Variants in PTPRD observed in about 807,000 individuals in gnomAD.
The protein encoded by PTPRD is receptor-type tyrosine-protein phosphatase delta.
Under a neutral mutation model 214.5 loss-of-function variants are expected in PTPRD, and 34 were observed. The observed-to-expected ratio is 0.16, with a 90% confidence interval of 0.12 to 0.21. The LOEUF (loss-of-function observed/expected upper bound fraction) is 0.21, where lower values mean the gene tolerates loss of function less well. PTPRD is among the 10% of genes least tolerant of loss of function. The pLI, the probability that PTPRD is intolerant of heterozygous loss-of-function variation, is 1.00. For missense variants in PTPRD, 2,545 were observed against 2,398.7 expected (o/e 1.06, Z -1.27); for synonymous variants, 1,128 against 845.7 (o/e 1.33, Z -5.79).
chr9:10,447,736 T>G (rs749446805), intron 2 of PTPRD, among the ~76,000 whole-genome samples: 11 of 151,978 alleles, frequency 7.2e-5, no homozygotes, highest in African/African-American at 2.4e-4. Context: ...ACCACCCAGT[T>G]TCCTTCCTCA....
intron 8 of PTPRD, among the ~76,000 whole-genome samples, chr9:9,400,128 T>C (rs1414315226): frequency 6.7e-6 from 1 of 148,314 alleles, no homozygotes; most frequent in African/African-American, 2.5e-5. Flanking sequence ...CACAGGTAGA[T>C]GAGTAAATAG....
At chr9:10,194,339 TATATATAGAG>T (rs1403242960) in intron 3 of PTPRD, among the ~76,000 whole-genome samples, 3 of 68,280 alleles carry the variant, frequency 4.4e-5, no homozygotes, top group African/African-American at 1.1e-4. Context: ...TATATATATA[TATATATAGAG>T]AGAGAGAGAG....
intron 11 of PTPRD, among the ~76,000 whole-genome samples, chr9:8,759,803 A>G (rs192252110): frequency 1.8e-4 from 28 of 152,240 alleles, no homozygotes; most frequent in African/African-American, 6.5e-4. Context: ...CCTATTGAGA[A>G]AAGTGGTTCT....
intron 7 of PTPRD, among the ~76,000 whole-genome samples, chr9:9,585,872 G>T (rs552463200): frequency 1.4e-4 from 22 of 152,032 alleles, no homozygotes; most frequent in Non-Finnish European, 2.6e-4. Flanking sequence ...AAGGCTTGAG[G>T]TGTGTTCTGA....
intron 2 of PTPRD, among the ~76,000 whole-genome samples, chr9:10,545,995 T>C (rs892207860): frequency 6.6e-6 from 1 of 152,106 alleles, no homozygotes; most frequent in Non-Finnish European, 1.5e-5. Context: ...TAAGAAGTAG[T>C]GCAAACAAAG....
intron 9 of PTPRD, among the ~76,000 whole-genome samples, chr9:9,358,057 G>C (rs1429242416): frequency 6.6e-6 from 1 of 151,002 alleles, no homozygotes; most frequent in East Asian, 1.9e-4. Flanking sequence ...GATTTTTTTT[G>C]TTGCTATTTT....
At chr9:9,519,496 G>C (rs1357919199) in intron 8 of PTPRD, among the ~76,000 whole-genome samples, 1 of 151,706 alleles carries the variant, frequency 6.6e-6, no homozygotes, top group African/African-American at 2.4e-5. Context: ...ATTGATACCA[G>C]GAATAAAAGA....
intron 11 of PTPRD, among the ~76,000 whole-genome samples, chr9:8,830,545 G>C (rs1246181728): frequency 1.3e-5 from 2 of 152,036 alleles, no homozygotes; most frequent in Non-Finnish European, 2.9e-5. Context: ...TAAGTGCTCT[G>C]TGACCAAACA....
At chr9:9,356,722 C>G (rs2138680522) in intron 9 of PTPRD, among the ~76,000 whole-genome samples, 1 of 151,488 alleles carries the variant, frequency 6.6e-6, no homozygotes, top group African/African-American at 2.4e-5. Flanking sequence ...TCAAGTACCA[C>G]TGACTAGTTT....
intron 3 of PTPRD, among the ~76,000 whole-genome samples, chr9:10,167,612 G>A (rs767157609): frequency 6.6e-6 from 1 of 152,146 alleles, no homozygotes; most frequent in Non-Finnish European, 1.5e-5. Context: ...TGGATGTACG[G>A]AGTTTTAAAA....
chr9:8,655,870 T>C (rs1477413009), intron 12 of PTPRD, among the ~76,000 whole-genome samples: 1 of 152,114 alleles, frequency 6.6e-6, no homozygotes, highest in Non-Finnish European at 1.5e-5. Flanking sequence ...GACAGTGCTA[T>C]CCAAGAAACG....
chr9:8,327,496 G>GA (rs1208367816), intron 44 of PTPRD, among the ~76,000 whole-genome samples: 15 of 152,252 alleles, frequency 9.9e-5, no homozygotes, highest in African/African-American at 3.1e-4. Flanking sequence ...GTGCTGAGAA[G>GA]AATGTATAAT....
intron 11 of PTPRD, among the ~76,000 whole-genome samples, chr9:8,869,678 C>A (rs1454074784): frequency 6.6e-6 from 1 of 150,938 alleles, no homozygotes; most frequent in African/African-American, 2.4e-5. Flanking sequence ...TCCTAAGAAG[C>A]TAGCGGCCTT....
At chr9:9,836,323 G>A (rs1400328940) in intron 5 of PTPRD, among the ~76,000 whole-genome samples, 5 of 152,128 alleles carry the variant, frequency 3.3e-5, no homozygotes, top group African/African-American at 9.7e-5. Context: ...GACAATATCA[G>A]GTAAACAAGA....
At chr9:9,794,849 C>A (rs2098991998) in intron 5 of PTPRD, among the ~76,000 whole-genome samples, 1 of 152,138 alleles carries the variant, frequency 6.6e-6, no homozygotes, top group African/African-American at 2.4e-5. Flanking sequence ...TAAAAGATAA[C>A]TTTACTGGCA....
chr9:8,598,546 A>C (rs910875155), intron 14 of PTPRD, among the ~76,000 whole-genome samples: 1 of 152,234 alleles, frequency 6.6e-6, no homozygotes, highest in Non-Finnish European at 1.5e-5. Context: ...AAGGACATAT[A>C]ATCAGTCAAT....
intron 3 of PTPRD, among the ~76,000 whole-genome samples, chr9:10,148,845 A>T (rs1418086964): frequency 6.6e-6 from 1 of 152,162 alleles, no homozygotes; most frequent in Non-Finnish European, 1.5e-5. Context: ...GAGCCCTACT[A>T]TCTCAGACAC....
rs919928000 is a variant in PTPRD at position 8,956,989 on chromosome 9, T to C, written c.-104+61708A>G. On this transcript the variant is annotated intron_variant, in intron 11 of 45. Transcript: ENST00000381196. ...TGACACCCACTTTCATGTCCCTGCG[T>C]TAATGGCAGTAAGGATAACTCAGTG... Among the ~76,000 whole-genome samples, 9 of 151,848 alleles carry C rather than the reference T, an allele frequency of 5.9e-5. No individual in the cohort carries two copies. In the Admixed American group the frequency reaches 5.9e-4, roughly 10 times the overall value.
At chr9:10,153,675 T>G (rs562276850) in intron 3 of PTPRD, among the ~76,000 whole-genome samples, 8 of 152,136 alleles carry the variant, frequency 5.3e-5, no homozygotes, top group African/African-American at 1.9e-4. Context: ...TTATTTTTCC[T>G]AATTCTTTCT....
Sources: gnomAD v4.1 joint callset for allele counts (sites outside exome capture counted in the v4.1 genomes callset) on GRCh38, gnomAD v4.1.1 for gene constraint, MANE v1.5 for transcripts, NCBI Gene and HGNC (gene_info 2026-07-23, HGNC 2026-07-21) for gene names.